Variants in TAFA5 observed in about 807,000 individuals in gnomAD.
The protein encoded by TAFA5 is chemokine-like protein TAFA-5.
In TAFA5, 6 loss-of-function variants were observed where a neutral mutation model predicts 15.3. That is an observed-to-expected ratio of 0.39 (90% CI 0.21 to 0.77). TAFA5 has a LOEUF of 0.77. Among genes scored for constraint, TAFA5 ranks in the 30% least tolerant of loss-of-function variants. The pLI, the probability that TAFA5 is intolerant of heterozygous loss-of-function variation, is 0.41. For missense variants in TAFA5, 161 were observed against 193.1 expected (o/e 0.83, Z 0.98); for synonymous variants, 103 against 80.7 (o/e 1.28, Z -1.48).
At chr22:48,607,701 T>G (rs866107746) in intron 1 of TAFA5, among the ~76,000 whole-genome samples, 25 of 152,268 alleles carry the variant, frequency 1.6e-4, no homozygotes, top group African/African-American at 6.0e-4. Flanking sequence ...CCCTGTTGCC[T>G]GGGAGATTCT....
intron 1 of TAFA5, among the ~76,000 whole-genome samples, chr22:48,635,203 T>A (rs1262791490): frequency 2.0e-5 from 3 of 152,220 alleles, no homozygotes; most frequent in African/African-American, 7.2e-5. Context: ...AGGGCCAGCC[T>A]GTCCCAAGCC....
At chr22:48,589,334 G>A (rs1418760243) in intron 1 of TAFA5, among the ~76,000 whole-genome samples, 1 of 152,212 alleles carries the variant, frequency 6.6e-6, no homozygotes, top group Non-Finnish European at 1.5e-5. Flanking sequence ...CTCTGCACCT[G>A]TGAGAAATGT....
chr22:48,630,952 G>T (rs1926202632), intron 1 of TAFA5, among the ~76,000 whole-genome samples: 1 of 152,196 alleles, frequency 6.6e-6, no homozygotes, highest in Non-Finnish European at 1.5e-5. Flanking sequence ...GGGATGCAAG[G>T]CCCAGGGTCA....
chr22:48,734,504 TGAACAGCAG>T (rs1172588091), intron 3 of TAFA5, among the ~76,000 whole-genome samples: 1 of 152,092 alleles, frequency 6.6e-6, no homozygotes, highest in Non-Finnish European at 1.5e-5. Flanking sequence ...GACACGTGTG[TGAACAGCAG>T]GAGAGGAGCC....
chr22:48,600,446 G>A (rs917886227), intron 1 of TAFA5, among the ~76,000 whole-genome samples: 4 of 152,184 alleles, frequency 2.6e-5, no homozygotes, highest in East Asian at 1.9e-4. Flanking sequence ...GTGGCCACAC[G>A]GGCCTTGTCA....
intron 3 of TAFA5, among the ~76,000 whole-genome samples, chr22:48,749,580 G>A (rs530870446): frequency 2.0e-5 from 3 of 152,314 alleles, no homozygotes; most frequent in African/African-American, 7.2e-5. Flanking sequence ...GGGTGGGAAG[G>A]CCTCTGGCCG....
intron 2 of TAFA5, among the ~76,000 whole-genome samples, chr22:48,669,775 A>C (rs1203698042): frequency 6.6e-6 from 1 of 152,158 alleles, no homozygotes; most frequent in Non-Finnish European, 1.5e-5. Context: ...TCCCAGCCCC[A>C]TGTTGCCCAC....
chr22:48,744,104 C>T lies in TAFA5; in HGVS notation c.391-5735C>T, dbSNP rs553785419. ...TCCCTGAACCCTGCACTTGTGCAGC[C>T]CCACGGCACGGGGGTGGCCTCGTTC... On this transcript the variant is annotated intron_variant, in intron 3 of 3. Transcript: ENST00000402357. Among the ~76,000 whole-genome samples, 184 of 152,334 alleles carry T rather than the reference C, an allele frequency of 1.2e-3. 1 individual carries two copies. Among genetic ancestry groups the T allele is most frequent in the African/African-American group, 4.3e-3 (179 of 41,580 alleles).
chr22:48,709,667 C>G (rs924077925), intron 3 of TAFA5, among the ~76,000 whole-genome samples: 1 of 152,246 alleles, frequency 6.6e-6, no homozygotes, highest in Admixed American at 6.5e-5. Context: ...CACGAGGCGC[C>G]CAGGCCAGCG....
intron 1 of TAFA5, among the ~76,000 whole-genome samples, chr22:48,584,271 A>G (rs917372171): frequency 6.8e-5 from 6 of 87,912 alleles, no homozygotes; most frequent in African/African-American, 2.0e-4. Flanking sequence ...ATCACACACC[A>G]CACACACACA....
chr22:48,530,966 C>T lies in TAFA5; in HGVS notation c.112+41262C>T, dbSNP rs529886215. 2.6e-5 allele frequency among the ~76,000 whole-genome samples: 4 copies of T among 152,292 alleles called. No individual in the cohort carries two copies. The highest frequency in any genetic ancestry group is 3.9e-4 in the East Asian group (2 of 5,162). On this transcript the variant is annotated intron_variant, in intron 1 of 3. Coordinates refer to ENST00000402357, the MANE Select transcript of TAFA5 (RefSeq NM_001082967.3). This position sits in a 1 kb window ranked among gnomAD's most constrained non-coding sequence, Gnocchi z 6.0. Reference sequence around the variant, plus strand: ...CCCTGTGCAAAGTGGTGCCCCTGCCCGCCCCGACCCCAGCCTTGTTAGGGG... The same window carrying T: ...CCCTGTGCAAAGTGGTGCCCCTGCCTGCCCCGACCCCAGCCTTGTTAGGGG...
chr22:48,561,116 G>A (rs1923215872), intron 1 of TAFA5, among the ~76,000 whole-genome samples: 1 of 152,136 alleles, frequency 6.6e-6, no homozygotes, highest in South Asian at 2.1e-4. Context: ...ACCCTGGGAA[G>A]GCGTGTGTGA....
intron 3 of TAFA5, among the ~76,000 whole-genome samples, chr22:48,713,651 G>A (rs138289343): frequency 3.9e-4 from 60 of 152,330 alleles, no homozygotes; most frequent in East Asian, 3.1e-3. Flanking sequence ...AGTGCTGAGC[G>A]TCGTCCACGG....
At chr22:48,524,984 A>T (rs1921729947) in intron 1 of TAFA5, among the ~76,000 whole-genome samples, 1 of 151,904 alleles carries the variant, frequency 6.6e-6, no homozygotes, top group African/African-American at 2.4e-5. Context: ...CTCCATCTTC[A>T]GAGCCTGTAG....
chr22:48,516,282 T>C (rs1921403226), intron 1 of TAFA5, among the ~76,000 whole-genome samples: 1 of 152,174 alleles, frequency 6.6e-6, no homozygotes. Context: ...ATTTTTTAAC[T>C]ACATATTAAC....
chr22:48,685,832 A>T (rs996005534), intron 2 of TAFA5, among the ~76,000 whole-genome samples: 14 of 152,040 alleles, frequency 9.2e-5, no homozygotes, highest in Middle Eastern at 3.4e-3. Flanking sequence ...ATCCATCACC[A>T]CTGGTCATCC....
chr22:48,655,185 A>ACC (rs1472413083), intron 2 of TAFA5, among the ~76,000 whole-genome samples: 2 of 151,780 alleles, frequency 1.3e-5, no homozygotes, highest in Non-Finnish European at 2.9e-5. Context: ...CCCTGCCCAG[A>ACC]CCCCCTGGCT....
At chr22:48,651,977 T>C (rs751325989) in intron 2 of TAFA5, among the ~76,000 whole-genome samples, 9 of 152,174 alleles carry the variant, frequency 5.9e-5, no homozygotes, top group Admixed American at 1.3e-4. Context: ...GGGAAGTCAC[T>C]TCTTCTCTTG....
intron 1 of TAFA5, among the ~76,000 whole-genome samples, chr22:48,518,702 G>A (rs1921501226): frequency 6.6e-6 from 1 of 152,160 alleles, no homozygotes; most frequent in Non-Finnish European, 1.5e-5. Context: ...AGAACAGGGG[G>A]CCTGCAGAGG....
Sources: gnomAD v4.1 joint callset for allele counts (sites outside exome capture counted in the v4.1 genomes callset) on GRCh38, gnomAD v4.1.1 for gene constraint, Gnocchi (gnomAD v3.1) non-coding constraint, MANE v1.5 for transcripts, NCBI Gene and HGNC (gene_info 2026-07-23, HGNC 2026-07-21) for gene names.